Variants in RGS20 observed in about 807,000 individuals in gnomAD.
RGS20 encodes the protein gz-selective GTPase-activating protein.
Under a neutral mutation model 33.6 loss-of-function variants are expected in RGS20, and 30 were observed. The observed-to-expected ratio is 0.89, with a 90% CI of 0.67 to 1.21. RGS20 has a LOEUF of 1.21. Ranked by LOEUF, RGS20 falls within the 50% of genes most tolerant of loss-of-function variation. The probability of loss-of-function intolerance (pLI) is 0.00; values close to 1 mark genes in which losing one functional copy is unlikely to be tolerated. For synonymous variants in RGS20, 208 were observed against 197.9 expected (o/e 1.05, Z -0.43); for missense variants, 472 against 502.4 (o/e 0.94, Z 0.58).
At chr8:53,884,819 C>G (rs1437034002) in intron 2 of RGS20, among the ~76,000 whole-genome samples, 1 of 152,234 alleles carries the variant, frequency 6.6e-6, no homozygotes, top group Non-Finnish European at 1.5e-5. Context: ...TGTTGTCCCA[C>G]AGCTTTATCT....
At chr8:53,874,905 T>A (rs1812163983) in intron 1 of RGS20, among the ~76,000 whole-genome samples, 1 of 152,216 alleles carries the variant, frequency 6.6e-6, no homozygotes, top group Non-Finnish European at 1.5e-5. Flanking sequence ...AATTTTAATA[T>A]GTAAATTTTG....
At chr8:53,894,017 T>A (rs989501445) in intron 2 of RGS20, among the ~76,000 whole-genome samples, 2 of 152,206 alleles carry the variant, frequency 1.3e-5, no homozygotes, top group African/African-American at 4.8e-5. Context: ...CTAACTTAGG[T>A]AGATAAAACA....
intron 1 of RGS20, among the ~76,000 whole-genome samples, chr8:53,873,880 A>C (rs1812132286): frequency 6.6e-6 from 1 of 152,172 alleles, no homozygotes; most frequent in African/African-American, 2.4e-5. Context: ...TTTGGATTTT[A>C]CTCTGAAATG....
chr8:53,863,969 T>C (rs1188937428), intron 1 of RGS20, among the ~76,000 whole-genome samples: 11 of 151,910 alleles, frequency 7.2e-5, no homozygotes, highest in Non-Finnish European at 1.6e-4. Flanking sequence ...CCTCGTGATC[T>C]GCCTTCCTCG....
intron 5 of RGS20, 110 bp from the exon 5 acceptor site, chr8:53,958,159 AC>A: frequency 1.3e-6 from 1 of 785,272 alleles, no homozygotes; most frequent in Non-Finnish European, 1.9e-6. Context: ...CAACAAAAAA[AC>A]CAAAAACAAA....
At chr8:53,923,278 A>C (rs1260524109) in intron 2 of RGS20, among the ~76,000 whole-genome samples, 1 of 152,126 alleles carries the variant, frequency 6.6e-6, no homozygotes, top group African/African-American at 2.4e-5. Flanking sequence ...AAGAGCAGAA[A>C]TATACGTATA....
intron 1 of RGS20, among the ~76,000 whole-genome samples, chr8:53,860,905 T>C (rs1811795548): frequency 6.6e-6 from 1 of 151,486 alleles, no homozygotes; most frequent in Admixed American, 6.6e-5. Context: ...AGGCAGAGGC[T>C]ACAGTGAGCC....
chr8:53,939,929 T>C (rs1786006568), intron 3 of RGS20, among the ~76,000 whole-genome samples: 1 of 152,194 alleles, frequency 6.6e-6, no homozygotes, highest in Non-Finnish European at 1.5e-5. Context: ...GGGTTTATGC[T>C]CAGATCCCTC....
At chr8:53,907,137 G>T (rs528590371) in intron 2 of RGS20, among the ~76,000 whole-genome samples, 2 of 152,112 alleles carry the variant, frequency 1.3e-5, no homozygotes, top group Non-Finnish European at 1.5e-5. Flanking sequence ...CTAAGTGGCC[G>T]GGTGGCTTGG....
chr8:53,888,365 T>C (rs1183635635), intron 2 of RGS20, among the ~76,000 whole-genome samples: 4 of 152,220 alleles, frequency 2.6e-5, no homozygotes, highest in Non-Finnish European at 4.4e-5. Context: ...TTACTTGAGT[T>C]ATAACTTACA....
At chr8:53,940,925 T>C (rs1814272996) in intron 3 of RGS20, among the ~76,000 whole-genome samples, 1 of 152,072 alleles carries the variant, frequency 6.6e-6, no homozygotes, top group African/African-American at 2.4e-5. Flanking sequence ...CAGACTGCAT[T>C]TAGGGGCCTA....
chr8:53,895,596 TC>T (rs1270718853), intron 2 of RGS20, among the ~76,000 whole-genome samples: 2 of 152,102 alleles, frequency 1.3e-5, no homozygotes, highest in Non-Finnish European at 2.9e-5. Flanking sequence ...CCTCCAGCCC[TC>T]TGCCTGCTTT....
chr8:53,946,603 T>G, intron 3 of RGS20, 62 bp from the exon 3 acceptor site: 1 of 1,309,154 alleles, frequency 7.6e-7, no homozygotes, highest in South Asian at 1.2e-5. Flanking sequence ...TTAAAGTATT[T>G]GTAAAAAATC....
chr8:53,946,748 G>A lies in RGS20; in HGVS notation c.743G>A (p.Ser248Asn). 6.2e-7 allele frequency: 1 copy of A among 1,611,326 alleles called. No homozygotes were observed. The highest frequency in any genetic ancestry group is 8.5e-7 in the Non-Finnish European group (1 of 1,178,580). ...GCAGATCTTCCAACCTGGGAAGAAAGGTGAAATCACACGTTTTTTTTACCT... is the reference window on the plus strand; with the variant it reads ...GCAGATCTTCCAACCTGGGAAGAAAAGTGAAATCACACGTTTTTTTTACCT... Residue 248 changes from serine to asparagine, a missense_variant and splice_region_variant, in exon 4 of 6, where the codon AGC becomes AAC. Ser to Asn is a conservative substitution (Grantham distance 46). Coordinates refer to ENST00000297313, the MANE Select transcript of RGS20 (RefSeq NM_170587.4).
intron 2 of RGS20, among the ~76,000 whole-genome samples, chr8:53,909,209 G>GTGTATGTATA (rs1242600309): frequency 4.6e-5 from 2 of 43,730 alleles, no homozygotes; most frequent in African/African-American, 2.2e-4. Context: ...TGGTATGTGT[G>GTGTATGTATA]TATATATATA....
intron 2 of RGS20, among the ~76,000 whole-genome samples, chr8:53,919,628 GC>G (rs1419174993): frequency 2.2e-5 from 3 of 134,416 alleles, no homozygotes; most frequent in African/African-American, 8.2e-5. Flanking sequence ...TTGCCCTGTT[GC>G]CCAGGCTGGA....
At chr8:53,933,198 T>A (rs1446209580) in intron 2 of RGS20, among the ~76,000 whole-genome samples, 1 of 152,120 alleles carries the variant, frequency 6.6e-6, no homozygotes. Flanking sequence ...CCAGAATGTC[T>A]CTTCTACTCC....
At chr8:53,853,262 T>C (rs569174394) in intron 1 of RGS20, among the ~76,000 whole-genome samples, 1 of 152,374 alleles carries the variant, frequency 6.6e-6, no homozygotes, top group African/African-American at 2.4e-5. Context: ...TATGTGTGTA[T>C]GTATATGCAC....
intron 2 of RGS20, among the ~76,000 whole-genome samples, chr8:53,889,563 A>G (rs1240568138): frequency 6.7e-6 from 1 of 150,280 alleles, no homozygotes; most frequent in Non-Finnish European, 1.5e-5. Flanking sequence ...TATTTTGGAT[A>G]TTGGGAAGGG....
Sources: gnomAD v4.1 joint callset for allele counts (sites outside exome capture counted in the v4.1 genomes callset) on GRCh38, gnomAD v4.1.1 for gene constraint, MANE v1.5 for transcripts, NCBI Gene and HGNC (gene_info 2026-07-23, HGNC 2026-07-21) for gene names.